Variants in ZBTB8A observed in about 807,000 individuals in gnomAD.
The protein encoded by ZBTB8A is zinc finger and BTB domain-containing protein 8A.
Under a neutral mutation model 37.8 loss-of-function variants are expected in ZBTB8A, and 19 were observed. The ratio of observed to expected loss-of-function variants is 0.50; its 90% CI spans 0.35 to 0.74. The LOEUF is 0.74. Ranked by LOEUF, ZBTB8A falls within the 30% of genes least tolerant of loss-of-function variation. The probability of loss-of-function intolerance (pLI) is 0.01; values close to 1 mark genes in which losing one functional copy is unlikely to be tolerated. For synonymous variants in ZBTB8A, 181 were observed against 185.2 expected (o/e 0.98, Z 0.19); for missense variants, 394 against 537.8 (o/e 0.73, Z 2.65).
intron 2 of ZBTB8A, among the ~76,000 whole-genome samples, chr1:32,571,334 T>A (rs1032055574): frequency 1.1e-4 from 16 of 152,358 alleles, no homozygotes; most frequent in Middle Eastern, 3.4e-3. Flanking sequence ...AGCAGTTGGC[T>A]TTTTGTAGAT....
intron 2 of ZBTB8A, among the ~76,000 whole-genome samples, chr1:32,554,389 G>A (rs1005586017): frequency 1.3e-5 from 2 of 151,338 alleles, no homozygotes; most frequent in African/African-American, 2.4e-5. Flanking sequence ...GAGGTGTAGT[G>A]TATCCTTATG....
chr1:32,573,237 ATT>A (rs35060623), intron 2 of ZBTB8A, among the ~76,000 whole-genome samples: 21 of 128,414 alleles, frequency 1.6e-4, no homozygotes, highest in East Asian at 6.7e-4. Context: ...CACCCGGCTA[ATT>A]TTTTTTTTTT....
At chr1:32,567,594 A>C (rs1644289868) in intron 2 of ZBTB8A, among the ~76,000 whole-genome samples, 1 of 151,204 alleles carries the variant, frequency 6.6e-6, no homozygotes, top group Non-Finnish European at 1.5e-5. Context: ...GGAGATCGAG[A>C]CCATCCTGGC....
At chr1:32,558,068 T>C (rs1215196066) in intron 2 of ZBTB8A, among the ~76,000 whole-genome samples, 1 of 152,214 alleles carries the variant, frequency 6.6e-6, no homozygotes, top group East Asian at 1.9e-4. Flanking sequence ...ATCTGACATA[T>C]CACATACACA....
intron 1 of ZBTB8A, among the ~76,000 whole-genome samples, chr1:32,547,235 AT>A (rs1644112648): frequency 6.6e-6 from 1 of 152,028 alleles, no homozygotes; most frequent in East Asian, 1.9e-4. Flanking sequence ...TCTGCAATGT[AT>A]TTTTCATCAC....
At position 32,600,377 on chromosome 1, in the gene ZBTB8A, TGAAGAAGAA is replaced by T. The variant is rs759692498; in HGVS notation, c.1291_1299del (p.Glu431_Glu433del). The stretch of plus-strand genomic sequence containing the variant: ...TGGTCATCCAACAGGTTGATGATAG[TGAAGAAGAA>T]GAAGAAAAAGAAATTAAGCCCAACA... On this transcript the variant is annotated inframe_deletion, in exon 5 of 5. Transcript: ENST00000373510. 1.2e-6 allele frequency: 2 copies of T among 1,613,284 alleles called. No individual in the cohort carries two copies. Among genetic ancestry groups the T allele is most frequent in the Admixed American group, 1.7e-5 (1 of 59,906 alleles).
In ZBTB8A at chr1:32,603,535, A is replaced by G. The variant is rs185772685; in HGVS notation, c.*3116A>G. ...TGACACCTTTTGAAATTAAAACCTGATTTTTTAGTTGTTGGAGCCAGTAGG... is the reference window on the plus strand; with the variant it reads ...TGACACCTTTTGAAATTAAAACCTGGTTTTTTAGTTGTTGGAGCCAGTAGG... On this transcript the variant is annotated 3_prime_UTR_variant, in exon 5 of 5. Transcript: ENST00000373510. 6.6e-6 allele frequency: 1 copy of G among 152,662 alleles called. No homozygotes were observed. Among genetic ancestry groups the G allele is most frequent in the Admixed American group, 6.5e-5 (1 of 15,294 alleles). 9.5% of individuals were successfully genotyped at this position (152,662 alleles called of 1,614,324 possible).
rs1644576826 is a variant in ZBTB8A at position 32,601,616 on chromosome 1, G to A, written c.*1197G>A. The A allele has an allele frequency of 5.0e-6, 2 of 398,478 alleles. No homozygotes were observed. Among genetic ancestry groups the A allele is most frequent in the African/African-American group, 2.1e-5 (1 of 48,634 alleles). 24.7% of individuals were successfully genotyped at this position (398,478 alleles called of 1,614,324 possible). On this transcript the variant is annotated 3_prime_UTR_variant, in exon 5 of 5. Transcript: ENST00000373510. ...ATACTATCTCCGATTTACAAATGAG[G>A]AAATTAAGGTCAGAAAGTCTGAGAG...
chr1:32,543,755 C>G (rs1644078233), intron 1 of ZBTB8A, among the ~76,000 whole-genome samples: 1 of 152,182 alleles, frequency 6.6e-6, no homozygotes, highest in South Asian at 2.1e-4. Flanking sequence ...CGGCTCACTG[C>G]AAGCTCCGCC....
Position 32,552,932 on chromosome 1 carries a change from T to C in ZBTB8A, c.-83-527T>C, listed in dbSNP as rs891482372. On this transcript the variant is annotated intron_variant, in intron 1 of 4. Transcript: ENST00000373510. ...TTTTAAATCATATATTACATATTTG[T>C]TCTATATTATATATTAATATTAATT... Among the ~76,000 whole-genome samples, 9 of 148,540 alleles carry C rather than the reference T, an allele frequency of 6.1e-5. No individual in the cohort carries two copies. The South Asian group carries it at 6.3e-4, about 10-fold the overall frequency.
In ZBTB8A at chr1:32,601,888, T is replaced by C. The variant is rs1644578699; in HGVS notation, c.*1469T>C. 2.6e-6 allele frequency: 1 copy of C among 391,270 alleles called. No homozygotes were observed. The highest frequency in any genetic ancestry group is 4.4e-5 in the Admixed American group (1 of 22,524). 24.2% of individuals were successfully genotyped at this position (391,270 alleles called of 1,614,324 possible). ...AATGTCCCTACAGTACCTATTGGTA[T>C]GTTTTTATGTCACGTTATTTATATG... On this transcript the variant is annotated 3_prime_UTR_variant, in exon 5 of 5. Coordinates refer to ENST00000373510, the MANE Select transcript of ZBTB8A (RefSeq NM_001040441.3).
chr1:32,593,598 C>T lies in ZBTB8A; in HGVS notation c.667C>T (p.His223Tyr). ...LRLSQPSEVT[H>Y]YKSSKREVRT... Reference sequence around the variant, plus strand: ...ATTGTCACAGCCTTCTGAAGTTACTCATTATAAGTCAAGCAAACGAGAAGT... The same window carrying T: ...ATTGTCACAGCCTTCTGAAGTTACTTATTATAAGTCAAGCAAACGAGAAGT... The change falls in exon 3 of 5, where the codon CAT (histidine) becomes TAT (tyrosine). Residue 223 changes from histidine (H) to tyrosine (Y), a missense_variant. His to Tyr is a moderately conservative substitution (Grantham distance 83). This residue lies in a region of ZBTB8A where 171 missense variants were observed against 186.8 expected (regional missense o/e 0.92). Transcript: ENST00000373510. 3 of 1,614,208 alleles carry T rather than the reference C, an allele frequency of 1.9e-6. No homozygotes were observed. The highest frequency in any genetic ancestry group is 1.6e-4 in the Middle Eastern group (1 of 6,062).
At chr1:32,568,425 C>T (rs577914330) in intron 2 of ZBTB8A, among the ~76,000 whole-genome samples, 13 of 151,414 alleles carry the variant, frequency 8.6e-5, no homozygotes, top group African/African-American at 2.9e-4. Flanking sequence ...CTCGCTCTGT[C>T]GCCCAGGCTA....
chr1:32,543,074 A>G (rs1020817656), intron 1 of ZBTB8A, among the ~76,000 whole-genome samples: 4 of 148,742 alleles, frequency 2.7e-5, no homozygotes, highest in East Asian at 1.9e-4. Flanking sequence ...GACAATTCCT[A>G]TTTTTTTTTT....
intron 2 of ZBTB8A, among the ~76,000 whole-genome samples, chr1:32,584,392 C>T (rs1283894751): frequency 6.6e-6 from 1 of 151,820 alleles, no homozygotes; most frequent in African/African-American, 2.4e-5. Flanking sequence ...AGAATAAACA[C>T]TTAATACAAT....
intron 2 of ZBTB8A, among the ~76,000 whole-genome samples, chr1:32,584,678 A>AT (rs905029926): frequency 3.3e-5 from 5 of 151,290 alleles, no homozygotes; most frequent in African/African-American, 7.3e-5. Flanking sequence ...TGCCCAGCTA[A>AT]TTTTTTTTGT....
rs564835932 is a variant in ZBTB8A at position 32,542,010 on chromosome 1, T to A, written c.-84+2438T>A. 1.4e-3 allele frequency among the ~76,000 whole-genome samples: 213 copies of A among 152,328 alleles called. 1 individual carries two copies. Among genetic ancestry groups the A allele is most frequent in the African/African-American group, 4.8e-3 (199 of 41,578 alleles). ...ATGGGGTATTAAATGCATTTTAAACTTACAATGTTTTCAACTTAAAATAGG... is the reference window on the plus strand; with the variant it reads ...ATGGGGTATTAAATGCATTTTAAACATACAATGTTTTCAACTTAAAATAGG... On this transcript the variant is annotated intron_variant, in intron 1 of 4. Transcript: ENST00000373510.
Position 32,592,977 on chromosome 1 carries a change from G to A in ZBTB8A, c.46G>A (p.Glu16Lys), listed in dbSNP as rs761224246. ...HQSHLLQQLN[E>K]QRRQDVFCDC... The stretch of plus-strand genomic sequence containing the variant: ...GTCTCACCTCCTGCAGCAACTGAAC[G>A]AGCAGCGCAGGCAAGATGTATTTTG... Residue 16 changes from glutamate to lysine, a missense_variant, in exon 3 of 5, where the codon GAG (glutamate) becomes AAG (lysine). Coordinates refer to ENST00000373510, the MANE Select transcript of ZBTB8A (RefSeq NM_001040441.3). 5 of 1,613,746 alleles carry A rather than the reference G, an allele frequency of 3.1e-6. No individual in the cohort carries two copies. Among genetic ancestry groups the A allele is most frequent in the Non-Finnish European group, 8.5e-7 (1 of 1,179,880 alleles).
intron 2 of ZBTB8A, among the ~76,000 whole-genome samples, chr1:32,568,690 C>G (rs1215609464): frequency 1.3e-5 from 2 of 152,040 alleles, no homozygotes; most frequent in Non-Finnish European, 2.9e-5. Flanking sequence ...CCGGCCCTGC[C>G]TATTCTTAAG....
Sources: allele counts gnomAD v4.1 joint callset (sites outside exome capture counted in the v4.1 genomes callset), GRCh38; gene constraint gnomAD v4.1.1; regional missense constraint gnomAD v4.1.1; transcripts MANE v1.5; gene names NCBI Gene and HGNC (gene_info 2026-07-23, HGNC 2026-07-21).